The following CAPS2 variants were observed in gnomAD, a reference collection of about 807,000 sequenced individuals.
CAPS2 encodes the protein calcyphosin-2.
A neutral mutation model predicts 86.5 loss-of-function variants in CAPS2; 98 were observed. The observed-to-expected ratio is 1.13, with a 90% CI of 0.96 to 1.34. The LOEUF (loss-of-function observed/expected upper bound fraction) is 1.34, where lower values mean the gene tolerates loss of function less well. Among genes scored for constraint, CAPS2 ranks in the 40% most tolerant of loss-of-function variants. CAPS2 has a pLI of 0.00. For synonymous variants in CAPS2, 210 were observed against 225.1 expected (o/e 0.93, Z 0.60); for missense variants, 729 against 686.8 (o/e 1.06, Z -0.69).
intron 1 of CAPS2, among the ~76,000 whole-genome samples, chr12:75,342,871 CAT>C (rs1194076878): frequency 1.3e-5 from 2 of 151,964 alleles, no homozygotes; most frequent in Non-Finnish European, 2.9e-5. Flanking sequence ...CAGTTTTCAG[CAT>C]AGAGATCTTG....
intron 1 of CAPS2, chr12:75,363,224 GAGAGT>G: frequency 1.0e-6 from 1 of 979,490 alleles, no homozygotes; most frequent in African/African-American, 1.7e-5. Context: ...ATTACATTTA[GAGAGT>G]AAAGTTTCCA....
In CAPS2 at chr12:75,366,797, C is replaced by G. The variant is rs1334162640; in HGVS notation, c.-395+24041G>C. 9 of 693,476 alleles carry G rather than the reference C, an allele frequency of 1.3e-5. No individual in the cohort carries two copies. In the Admixed American group the frequency reaches 1.8e-4, roughly 14 times the overall value. 43.0% of individuals were successfully genotyped at this position (693,476 alleles called of 1,614,324 possible). On this transcript the variant is annotated intron_variant, in intron 1 of 5. Transcript: ENST00000551829. Reference sequence around the variant, plus strand: ...TGTCTCAGTTTCTCTCTTCAGAGGTCTATCACCTCTGAGAGGGCTAAAAAT... The same window carrying G: ...TGTCTCAGTTTCTCTCTTCAGAGGTGTATCACCTCTGAGAGGGCTAAAAAT...
At chr12:75,278,091 T>G (rs2033227891) in exon 17 of CAPS2, 2 of 891,408 alleles carry the variant, frequency 2.2e-6, no homozygotes, top group Admixed American at 6.2e-5. Context: ...AATAAGATAA[T>G]GTATTGATTT....
intron 1 of CAPS2, chr12:75,343,890 T>C (rs1221838108): frequency 6.2e-7 from 1 of 1,612,236 alleles, no homozygotes. Context: ...CCCAATTTTA[T>C]GATTTTGATA....
At chr12:75,362,763 ATACT>A (rs1256825027) in intron 1 of CAPS2, among the ~76,000 whole-genome samples, 1 of 152,162 alleles carries the variant, frequency 6.6e-6, no homozygotes, top group Non-Finnish European at 1.5e-5. Flanking sequence ...GTTTATGTTC[ATACT>A]TAAATATTAC....
In CAPS2 at chr12:75,341,030, CA is replaced by C. The variant is rs113251142; in HGVS notation, c.-394-17809del. Among the ~76,000 whole-genome samples the C allele has an allele frequency of 5.3e-3, 745 of 141,810 alleles. 7 individuals are homozygous for C. The highest frequency in any genetic ancestry group is 0.016 in the African/African-American group (641 of 38,962). 93.0% of individuals were successfully genotyped at this position (141,810 alleles called of 152,430 possible). A position where few individuals can be genotyped will look rare whatever the true frequency, so the allele number is the denominator to read the frequency against. On this transcript the variant is annotated intron_variant, in intron 1 of 5. Coordinates refer to the CAPS2 transcript ENST00000551829. The stretch of plus-strand genomic sequence containing the variant: ...TAGGAAATAGTTTGGCAATTTCTTA[CA>C]AAAAAAAAAAGAACACCTAAACATA...
chr12:75,305,658 A>G, intron 7 of CAPS2: 2 of 641,428 alleles, frequency 3.1e-6, no homozygotes, highest in Non-Finnish European at 5.9e-6. Flanking sequence ...GGCGCCCACC[A>G]GGCCCCTAGC....
intron 5 of CAPS2, 26 bp downstream of exon 5, chr12:75,321,374 G>A (rs1022671171): frequency 1.4e-6 from 2 of 1,422,734 alleles, no homozygotes; most frequent in African/African-American, 2.9e-5. Flanking sequence ...AATGTCATTA[G>A]AATTTTTTAA....
At chr12:75,355,125 TA>T (rs1244594901) in intron 1 of CAPS2, among the ~76,000 whole-genome samples, 8 of 152,012 alleles carry the variant, frequency 5.3e-5, no homozygotes, top group African/African-American at 1.9e-4. Flanking sequence ...CAAAAATGGA[TA>T]AATGGGATCA....
intron 1 of CAPS2, among the ~76,000 whole-genome samples, chr12:75,326,177 C>A (rs2040765116): frequency 6.6e-6 from 1 of 151,860 alleles, no homozygotes; most frequent in African/African-American, 2.4e-5. Flanking sequence ...TTTCCTTAAA[C>A]AAATATTCTT....
At chr12:75,363,758 C>G (rs1314357139) in intron 1 of CAPS2, among the ~76,000 whole-genome samples, 1 of 152,060 alleles carries the variant, frequency 6.6e-6, no homozygotes, top group Non-Finnish European at 1.5e-5. Context: ...CATGAGTGAC[C>G]AATGGCCTGT....
intron 8 of CAPS2, among the ~76,000 whole-genome samples, chr12:75,302,121 C>A (rs1311072321): frequency 6.6e-6 from 1 of 152,128 alleles, no homozygotes; most frequent in South Asian, 2.1e-4. Flanking sequence ...GTACTACTCA[C>A]GCCAATTCCT....
chr12:75,321,662 T>G (rs2040315639), intron 4 of CAPS2, 86 bp from the exon 5 acceptor site: 2 of 910,522 alleles, frequency 2.2e-6, no homozygotes, highest in Non-Finnish European at 1.7e-6. Flanking sequence ...CCTCTTACCT[T>G]AGCATCCATT....
intron 11 of CAPS2, among the ~76,000 whole-genome samples, chr12:75,293,856 C>A (rs2036434078): frequency 6.6e-6 from 1 of 152,188 alleles, no homozygotes; most frequent in Admixed American, 6.5e-5. Context: ...AAATCTTATT[C>A]TAAACTTATA....
chr12:75,316,389 C>A (rs2138894947), exon 6 of CAPS2: 2 of 1,550,980 alleles, frequency 1.3e-6, no homozygotes, highest in Non-Finnish European at 1.7e-6. Flanking sequence ...GCTTTCCTAT[C>A]CAGAGTCGTA....
At position 75,284,949 on chromosome 12, in the gene CAPS2, T is replaced by G. The variant is rs780831319; in HGVS notation, c.1515+12A>C. 313 of 1,591,218 alleles carry G rather than the reference T, an allele frequency of 2.0e-4. No homozygotes were observed. The highest frequency in any genetic ancestry group is 2.6e-4 in the Non-Finnish European group (306 of 1,167,338). ...AAAAATAACAATTTGAAAGATTACTTAACAAAGTTACCTTTCGAACATATG... is the reference window on the plus strand; with the variant it reads ...AAAAATAACAATTTGAAAGATTACTGAACAAAGTTACCTTTCGAACATATG... On this transcript the variant is annotated intron_variant, in intron 15 of 16. Coordinates refer to ENST00000393284, the Ensembl canonical transcript of CAPS2.
intron 1 of CAPS2, among the ~76,000 whole-genome samples, chr12:75,364,224 C>G (rs565572694): frequency 5.9e-5 from 9 of 152,178 alleles, no homozygotes; most frequent in Admixed American, 2.6e-4. Context: ...TGAGACATGT[C>G]TGACCTCCCC....
chr12:75,326,984 C>A (rs932576792), upstream of CAPS2, among the ~76,000 whole-genome samples: 1 of 152,114 alleles, frequency 6.6e-6, no homozygotes, highest in Admixed American at 6.6e-5. Context: ...AGGTCATGAG[C>A]AGCCTCCTGA....
intron 1 of CAPS2, among the ~76,000 whole-genome samples, chr12:75,339,408 A>C (rs988130740): frequency 6.6e-6 from 1 of 152,048 alleles, no homozygotes; most frequent in Non-Finnish European, 1.5e-5. Context: ...TCTTTTGAGA[A>C]GTGTCTGTTC....
Sources: gnomAD v4.1 joint callset for allele counts (sites outside exome capture counted in the v4.1 genomes callset) on GRCh38, gnomAD v4.1.1 for gene constraint, MANE v1.5 for transcripts, NCBI Gene and HGNC (gene_info 2026-07-23, HGNC 2026-07-21) for gene names.